Variants in DLGAP1 observed in about 807,000 individuals in gnomAD.
The protein encoded by DLGAP1 is disks large-associated protein 1.
A neutral mutation model predicts 90.8 loss-of-function variants in DLGAP1; 11 were observed. That is an observed-to-expected ratio of 0.12 (90% CI 0.08 to 0.20). The LOEUF (loss-of-function observed/expected upper bound fraction) is 0.20, where lower values mean the gene tolerates loss of function less well. Among genes scored for constraint, DLGAP1 ranks in the 10% least tolerant of loss-of-function variants. The pLI is 1.00. For missense variants in DLGAP1, 1,050 were observed against 1,333.8 expected, an observed-to-expected ratio of 0.79 and a Z score of 3.31; for synonymous variants, 558 against 540.7, an observed-to-expected ratio of 1.03 and a Z score of -0.44.
rs1218422402 is a variant in DLGAP1, at chr18:3,993,290, T to C, written c.-73+11826A>G. 6 of 152,012 alleles carry C rather than the reference T, an allele frequency of 3.9e-5. No homozygotes were observed. The East Asian group carries it at 1.2e-3, about 29-fold the overall frequency. The allele number at this position is 152,012 out of a possible 1,614,324, so 9.4% of individuals were successfully genotyped here. ...GCTTCTTTTGAATAATGGAGAGGAC[T>C]CTTAGAAAAAAGAAAAGAAACAGAA... On this transcript the variant is annotated intron_variant, in intron 3 of 12. Transcript: ENST00000315677.
chr18:3,512,369 C>G (rs2050593132), intron 10 of DLGAP1, among the ~76,000 whole-genome samples: 1 of 152,206 alleles, frequency 6.6e-6, no homozygotes, highest in Non-Finnish European at 1.5e-5. Flanking sequence ...CTCTGTTAAT[C>G]TGTCCCTCAG....
intron 5 of DLGAP1, among the ~76,000 whole-genome samples, chr18:3,763,540 A>AT: frequency 6.6e-6 from 1 of 151,852 alleles, no homozygotes; most frequent in Non-Finnish European, 1.5e-5. Flanking sequence ...CTATAATCTC[A>AT]TTTTTTACTT....
At chr18:4,134,347 G>A (rs1283844474) in intron 2 of DLGAP1, among the ~76,000 whole-genome samples, 2 of 151,880 alleles carry the variant, frequency 1.3e-5, no homozygotes, top group East Asian at 3.9e-4. Flanking sequence ...AGGTTGGGGG[G>A]ACTTGGTTAA....
intron 1 of DLGAP1, among the ~76,000 whole-genome samples, chr18:4,381,997 A>T (rs149079554): frequency 6.6e-6 from 1 of 152,134 alleles, no homozygotes; most frequent in African/African-American, 2.4e-5. Flanking sequence ...AAACCGTGAG[A>T]TCTCATGAGA....
chr18:4,083,694 G>C (rs1200350259), intron 2 of DLGAP1, among the ~76,000 whole-genome samples: 2 of 152,122 alleles, frequency 1.3e-5, no homozygotes, highest in Non-Finnish European at 2.9e-5. Flanking sequence ...CATGTGATGG[G>C]GTGTGGCTTG....
chr18:4,292,804 A>G (rs1272474371), intron 1 of DLGAP1, among the ~76,000 whole-genome samples: 1 of 152,198 alleles, frequency 6.6e-6, no homozygotes, highest in Non-Finnish European at 1.5e-5. Context: ...GAAAGTTGGT[A>G]AGAAATGTGT....
At chr18:4,145,692 T>G (rs2076574725) in intron 2 of DLGAP1, among the ~76,000 whole-genome samples, 1 of 152,210 alleles carries the variant, frequency 6.6e-6, no homozygotes. Context: ...TCTGGCAAAT[T>G]GGCTATGAAA....
intron 5 of DLGAP1, among the ~76,000 whole-genome samples, chr18:3,753,878 C>T (rs922352073): frequency 6.6e-6 from 1 of 152,196 alleles, no homozygotes; most frequent in Non-Finnish European, 1.5e-5. Flanking sequence ...TACTGTTGTC[C>T]TTGGGAATCT....
chr18:3,734,957 G>C (rs1022022920), intron 6 of DLGAP1, among the ~76,000 whole-genome samples: 1 of 152,008 alleles, frequency 6.6e-6, no homozygotes, highest in African/African-American at 2.4e-5. Context: ...TTTATTACAA[G>C]TAATAATTCT....
intron 1 of DLGAP1, among the ~76,000 whole-genome samples, chr18:4,357,761 C>T (rs2081553041): frequency 6.6e-6 from 1 of 152,192 alleles, no homozygotes; most frequent in Admixed American, 6.5e-5. Flanking sequence ...CAGTGCTTCG[C>T]AGCGCCTCTC....
intron 2 of DLGAP1, among the ~76,000 whole-genome samples, chr18:4,072,059 G>A (rs2075455500): frequency 6.6e-6 from 1 of 152,266 alleles, no homozygotes; most frequent in East Asian, 1.9e-4. Context: ...TAGAGGCTGA[G>A]GACATATGCT....
chr18:3,977,486 A>C (rs1005477467), intron 3 of DLGAP1, among the ~76,000 whole-genome samples: 1 of 129,424 alleles, frequency 7.7e-6, no homozygotes, highest in African/African-American at 3.2e-5. Context: ...TGATGTACAC[A>C]ATGAGGTAGG....
chr18:3,863,780 C>T (rs2070226723), intron 4 of DLGAP1, among the ~76,000 whole-genome samples: 1 of 152,174 alleles, frequency 6.6e-6, no homozygotes, highest in African/African-American at 2.4e-5. Context: ...TGGCTGGGCT[C>T]GGGAGCCTGC....
At chr18:4,142,051 G>C (rs1388368904) in intron 2 of DLGAP1, among the ~76,000 whole-genome samples, 2 of 152,092 alleles carry the variant, frequency 1.3e-5, no homozygotes, top group Non-Finnish European at 2.9e-5. Flanking sequence ...TGGTGTCTGA[G>C]CATTGAAGAA....
chr18:3,835,677 C>T lies in DLGAP1; in HGVS notation c.958-21404G>A, dbSNP rs374760399. ...AAAAAAAAAAAAAGAAAATATCCTCCTTTCTAACATAAAAGCTATAGCTCT... is the reference window on the plus strand; with the variant it reads ...AAAAAAAAAAAAAGAAAATATCCTCTTTTCTAACATAAAAGCTATAGCTCT... On this transcript the variant is annotated intron_variant, in intron 4 of 12. Transcript: ENST00000315677. Among the ~76,000 whole-genome samples the T allele has an allele frequency of 7.2e-5, 11 of 151,832 alleles. No homozygotes were observed. The South Asian group carries it at 1.0e-3, about 14-fold the overall frequency.
chr18:4,394,607 T>C (rs1489634553), intron 1 of DLGAP1, among the ~76,000 whole-genome samples: 1 of 152,196 alleles, frequency 6.6e-6, no homozygotes, highest in African/African-American at 2.4e-5. Flanking sequence ...TAGTTAATTA[T>C]TTATGAAAAC....
chr18:3,877,440 GTGTTTT>G (rs942356006), intron 4 of DLGAP1, among the ~76,000 whole-genome samples: 17 of 152,250 alleles, frequency 1.1e-4, no homozygotes, highest in Admixed American at 3.3e-4. Flanking sequence ...TTAAGTACAG[GTGTTTT>G]TGTTTTTGTT....
intron 4 of DLGAP1, among the ~76,000 whole-genome samples, chr18:3,856,337 GA>G (rs1658077853): frequency 6.6e-6 from 1 of 152,186 alleles, no homozygotes; most frequent in Non-Finnish European, 1.5e-5. Context: ...AAAAGAGTGT[GA>G]GACATTATTA....
chr18:4,212,118 T>G (rs1412867041), intron 1 of DLGAP1, among the ~76,000 whole-genome samples: 1 of 152,102 alleles, frequency 6.6e-6, no homozygotes, highest in African/African-American at 2.4e-5. Flanking sequence ...TCTACACAGG[T>G]CAAATTGTAC....
Sources: allele counts gnomAD v4.1 joint callset (sites outside exome capture counted in the v4.1 genomes callset), GRCh38; gene constraint gnomAD v4.1.1; transcripts MANE v1.5; gene names NCBI Gene and HGNC (gene_info 2026-07-23, HGNC 2026-07-21).